Variants in KDM6A observed in about 807,000 individuals in gnomAD.
The protein encoded by KDM6A is lysine demethylase 6A, also known as lysine-specific demethylase 6A.
A neutral mutation model predicts 117.6 loss-of-function variants in KDM6A; 11 were observed. The ratio of observed to expected loss-of-function variants is 0.09; its 90% CI spans 0.06 to 0.15. The LOEUF (loss-of-function observed/expected upper bound fraction) is 0.15, where lower values mean the gene tolerates loss of function less well. KDM6A is among the 10% of genes least tolerant of loss of function. KDM6A has a pLI of 1.00. For missense variants in KDM6A, 799 were observed against 1,077.3 expected, an observed-to-expected ratio of 0.74 and a Z score of 3.62; for synonymous variants, 384 against 396.1, an observed-to-expected ratio of 0.97 and a Z score of 0.36.
chrX:44,917,058 G>A (rs1202408901), intron 2 of KDM6A, among the ~76,000 whole-genome samples: 4 of 100,677 alleles, frequency 4.0e-5, no homozygotes, highest in African/African-American at 1.1e-4. Flanking sequence ...GTAGAGTTGC[G>A]CTCTGTTGCC....
At chrX:44,940,720 T>C (rs2037258717) in intron 2 of KDM6A, among the ~76,000 whole-genome samples, 1 of 111,893 alleles carries the variant, frequency 8.9e-6, no homozygotes. Context: ...AAGTTCCCAT[T>C]CTGTTACACA....
intron 19 of KDM6A, among the ~76,000 whole-genome samples, chrX:45,077,142 T>G (rs2045164362): frequency 9.1e-6 from 1 of 110,248 alleles, no homozygotes; most frequent in Non-Finnish European, 1.9e-5. Flanking sequence ...AAATCCACAT[T>G]CTACTTAGTT....
intron 2 of KDM6A, among the ~76,000 whole-genome samples, chrX:44,913,088 C>T (rs1374167767): frequency 9.0e-6 from 1 of 111,617 alleles, no homozygotes. Context: ...CACATGCTAC[C>T]CCTGTAAACA....
intron 10 of KDM6A, among the ~76,000 whole-genome samples, chrX:45,057,967 G>A (rs1005671623): frequency 2.7e-5 from 3 of 109,317 alleles, no homozygotes; most frequent in Non-Finnish European, 5.7e-5. Flanking sequence ...ATATGTGTGT[G>A]TTGTCTTTCC....
intron 14 of KDM6A, 121 bp from the exon 15 acceptor site, chrX:45,061,203 A>G: frequency 2.4e-6 from 1 of 410,956 alleles, no homozygotes; most frequent in Non-Finnish European, 4.3e-6. Context: ...TTAATGTTAT[A>G]ACATCTTTTT....
chrX:45,010,857 A>G, intron 4 of KDM6A, 104 bp from the exon 5 acceptor site: 2 of 585,822 alleles, frequency 3.4e-6, no homozygotes, highest in South Asian at 2.7e-5. Context: ...GCATGATAGA[A>G]TTTTAGGACT....
At chrX:45,027,394 A>T in intron 6 of KDM6A, among the ~76,000 whole-genome samples, 1 of 109,022 alleles carries the variant, frequency 9.2e-6, no homozygotes, top group East Asian at 2.8e-4. Flanking sequence ...AGAAAAAGTT[A>T]TTATTTCTCC....
Position 44,913,844 on chromosome X carries a change from A to G in KDM6A, c.225+39857A>G, listed in dbSNP as rs1296088024. On this transcript the variant is annotated intron_variant, in intron 2 of 29. Transcript: ENST00000611820. ...GGCAGAACTAGACAAGTCCCAGCCC[A>G]TAGTGCATGCCATTCCTTATTTGAA... Among the ~76,000 whole-genome samples, 4 of 111,415 alleles carry G rather than the reference A, an allele frequency of 3.6e-5. No homozygotes were observed. The South Asian group carries it at 1.5e-3, about 42-fold the overall frequency.
At chrX:45,007,026 G>A (rs2041528368) in intron 4 of KDM6A, among the ~76,000 whole-genome samples, 2 of 111,877 alleles carry the variant, frequency 1.8e-5, no homozygotes, top group African/African-American at 3.3e-5. Flanking sequence ...CACAATCAAA[G>A]CAATGGCTAC....
intron 2 of KDM6A, among the ~76,000 whole-genome samples, chrX:44,927,285 A>G (rs780283761): frequency 9.0e-6 from 1 of 111,147 alleles, no homozygotes; most frequent in South Asian, 3.8e-4. Context: ...TTATTTCCTG[A>G]ATATTTTCAA....
chrX:45,046,290 A>G (rs2043535095), intron 8 of KDM6A, among the ~76,000 whole-genome samples: 1 of 112,080 alleles, frequency 8.9e-6, no homozygotes, highest in Non-Finnish European at 1.9e-5. Context: ...ATTGCAGGTT[A>G]CTTTCTTATC....
At chrX:44,888,308 A>ATT (rs1390036659) in intron 2 of KDM6A, among the ~76,000 whole-genome samples, 1 of 112,215 alleles carries the variant, frequency 8.9e-6, no homozygotes, top group Non-Finnish European at 1.9e-5. Context: ...CCCTCTCAAA[A>ATT]AAGAAAAGAG....
At chrX:45,065,286 A>G (rs2044479644) in intron 17 of KDM6A, among the ~76,000 whole-genome samples, 1 of 112,004 alleles carries the variant, frequency 8.9e-6, no homozygotes, top group Non-Finnish European at 1.9e-5. Flanking sequence ...CAAGCATGGC[A>G]GAACAGGACA....
intron 8 of KDM6A, among the ~76,000 whole-genome samples, chrX:45,040,403 C>T (rs2043041765): frequency 1.1e-5 from 1 of 89,346 alleles, no homozygotes; most frequent in African/African-American, 4.2e-5. Context: ...GGGGGCTGAT[C>T]CCCCCACCTC....
chrX:44,921,193 A>G (rs2035912848), intron 2 of KDM6A, among the ~76,000 whole-genome samples: 1 of 111,638 alleles, frequency 9.0e-6, no homozygotes, highest in African/African-American at 3.3e-5. Context: ...TAATTTTTTC[A>G]AAAACTCTTT....
At chrX:45,027,418 C>T (rs2042423429) in intron 6 of KDM6A, among the ~76,000 whole-genome samples, 2 of 111,103 alleles carry the variant, frequency 1.8e-5, no homozygotes, top group African/African-American at 6.6e-5. Context: ...CTTGCTCTGC[C>T]CTATTTCCTT....
At chrX:44,954,063 A>AT (rs1462894235) in intron 2 of KDM6A, among the ~76,000 whole-genome samples, 2 of 109,961 alleles carry the variant, frequency 1.8e-5, no homozygotes, top group Non-Finnish European at 3.8e-5. Flanking sequence ...GCCTTAAAAA[A>AT]AAAAAAATAA....
chrX:44,992,318 G>A (rs1162872179), intron 4 of KDM6A, among the ~76,000 whole-genome samples: 4 of 92,151 alleles, frequency 4.3e-5, no homozygotes, highest in South Asian at 6.2e-4. Flanking sequence ...TCTGCCTCCC[G>A]GGTTCAAGCA....
intron 2 of KDM6A, among the ~76,000 whole-genome samples, chrX:44,913,319 C>T (rs1290748228): frequency 3.2e-5 from 2 of 61,807 alleles, no homozygotes; most frequent in East Asian, 5.0e-4. Flanking sequence ...TTTTTTGAGA[C>T]GGAGTTTTGC....
Sources: gnomAD v4.1 joint callset for allele counts (sites outside exome capture counted in the v4.1 genomes callset) on GRCh38, gnomAD v4.1.1 for gene constraint, MANE v1.5 for transcripts, NCBI Gene and HGNC (gene_info 2026-07-23, HGNC 2026-07-21) for gene names.